The following NOMO1 variants were observed in gnomAD, a reference collection of about 807,000 sequenced individuals.
NOMO1 encodes NODAL modulator 1.
A neutral mutation model predicts 133.8 loss-of-function variants in NOMO1; 40 were observed. That is an observed-to-expected ratio of 0.30 (90% CI 0.23 to 0.39). The LOEUF (loss-of-function observed/expected upper bound fraction) is 0.39, where lower values mean the gene tolerates loss of function less well. Among genes scored for constraint, NOMO1 ranks in the 10% least tolerant of loss-of-function variants. The pLI, the probability that NOMO1 is intolerant of heterozygous loss-of-function variation, is 1.00. For synonymous variants in NOMO1, 236 were observed against 570.5 expected (o/e 0.41, Z 8.36); for missense variants, 462 against 1,419.9 (o/e 0.33, Z 10.84).
chr16:14,847,879 C>T lies in NOMO1; in HGVS notation c.510-1020C>T, dbSNP rs1468306471. 3.3e-5 allele frequency among the ~76,000 whole-genome samples: 5 copies of T among 151,756 alleles called. 1 individual carries two copies. Among genetic ancestry groups the T allele is most frequent in the Non-Finnish European group, 5.9e-5 (4 of 67,984 alleles). ...TCTGCTTGACTGGTGCCTCTCCAGG[C>T]CTGGTGTGTAGCAGGAATATGAAGC... On this transcript the variant is annotated intron_variant, in intron 5 of 30. Transcript: ENST00000287667.
At chr16:14,867,104 G>A (rs1191499011) in intron 15 of NOMO1, among the ~76,000 whole-genome samples, 1 of 104,128 alleles carries the variant, frequency 9.6e-6, no homozygotes, top group Non-Finnish European at 2.0e-5. Flanking sequence ...AGGTATCAAA[G>A]TGTCCTTGGT....
At chr16:14,874,193 G>T (rs1017309626) in intron 18 of NOMO1, among the ~76,000 whole-genome samples, 7 of 151,840 alleles carry the variant, frequency 4.6e-5, no homozygotes, top group Admixed American at 3.9e-4. Context: ...AGGAGCGAAC[G>T]ATTTCTTTTA....
At chr16:14,888,616 C>T (rs1597116869) in intron 28 of NOMO1, 3 of 264,516 alleles carry the variant, frequency 1.1e-5, no homozygotes, top group East Asian at 2.1e-4. Flanking sequence ...GGTCGGTGCT[C>T]AGCACACAGA....
At chr16:14,839,094 G>T (rs1440160801) in intron 2 of NOMO1, among the ~76,000 whole-genome samples, 1 of 149,804 alleles carries the variant, frequency 6.7e-6, no homozygotes, top group Admixed American at 6.7e-5. Context: ...TCGCTCTGTC[G>T]CCCAGGCTGG....
Position 14,850,900 on chromosome 16 carries a change from G to A in NOMO1, c.583-1530G>A, listed in dbSNP as rs1963748900. Among the ~76,000 whole-genome samples the A allele has an allele frequency of 2.6e-5, 4 of 151,502 alleles. No individual in the cohort carries two copies. The South Asian group carries it at 8.4e-4, about 32-fold the overall frequency. ...AGTTTGAGACCAACCTGGCCAACATGGTGAAACCGCATCTCTACTAAAAAT... is the reference window on the plus strand; with the variant it reads ...AGTTTGAGACCAACCTGGCCAACATAGTGAAACCGCATCTCTACTAAAAAT... On this transcript the variant is annotated intron_variant, in intron 6 of 30. Coordinates refer to ENST00000287667, the MANE Select transcript of NOMO1 (RefSeq NM_014287.4).
intron 11 of NOMO1, among the ~76,000 whole-genome samples, chr16:14,861,760 G>A (rs1386214536): frequency 2.6e-5 from 4 of 150,984 alleles, no homozygotes; most frequent in Non-Finnish European, 4.4e-5. Context: ...TGGGCAGAGC[G>A]CAACACAACT....
At chr16:14,879,348 G>A (rs1894376) in intron 23 of NOMO1, among the ~76,000 whole-genome samples, 25,569 of 146,636 alleles carry the variant, frequency 0.17, 1 homozygote, top group Non-Finnish European at 0.19. Context: ...ACCGGGCAGC[G>A]GGGGCATCTG....
At position 14,881,557 on chromosome 16, in the gene NOMO1, G is replaced by A; in HGVS notation, c.2899G>A (p.Val967Met). 3 of 1,609,080 alleles carry A rather than the reference G, an allele frequency of 1.9e-6. No homozygotes were observed. Among genetic ancestry groups the A allele is most frequent in the Non-Finnish European group, 2.5e-6 (3 of 1,178,354 alleles). ...YRTAYSCYGT[V>M]SSLNGEPEQG... ...TTGCCATACTAGTTGCTATGGCACA[G>A]TGTCTTCCTTAAACGGAGAGCCCGA... is the stretch of plus-strand genomic sequence containing the variant. Residue 967 changes from valine to methionine, a missense_variant, in exon 25 of 31, where the codon GTG becomes ATG. Transcript: ENST00000287667.
At chr16:14,886,101 C>G (rs1430425100) in intron 27 of NOMO1, among the ~76,000 whole-genome samples, 1 of 152,074 alleles carries the variant, frequency 6.6e-6, no homozygotes, top group African/African-American at 2.4e-5. Context: ...TAACCCTGCT[C>G]ATGCCCCATG....
At chr16:14,862,142 T>A (rs1963930614) in intron 11 of NOMO1, among the ~76,000 whole-genome samples, 1 of 151,898 alleles carries the variant, frequency 6.6e-6, no homozygotes, top group African/African-American at 2.4e-5. Flanking sequence ...ACATTCTTGA[T>A]TATCTTTATG....
intron 5 of NOMO1, chr16:14,848,678 CA>C: frequency 2.6e-6 from 1 of 391,258 alleles, no homozygotes; most frequent in South Asian, 2.1e-5. Flanking sequence ...TTCCGATCAG[CA>C]CATGGAGCAC....
chr16:14,858,448 C>G lies in NOMO1; in HGVS notation c.1220+793C>G, dbSNP rs189246361. On this transcript the variant is annotated intron_variant, in intron 11 of 30. Transcript: ENST00000287667. Reference sequence around the variant, plus strand: ...TGGGCTTTGGAGTCAGATACCAGATCCACCTGTATGTAACCTGCAGAACAG... The same window carrying G: ...TGGGCTTTGGAGTCAGATACCAGATGCACCTGTATGTAACCTGCAGAACAG... Among the ~76,000 whole-genome samples, 176 of 151,176 alleles carry G rather than the reference C, an allele frequency of 1.2e-3. 2 individuals carry two copies. Among genetic ancestry groups the G allele is most frequent in the African/African-American group, 4.2e-3 (174 of 41,374 alleles).
chr16:14,864,776 G>T, intron 13 of NOMO1, 50 bp downstream of exon 13: 2 of 1,567,504 alleles, frequency 1.3e-6, no homozygotes, highest in East Asian at 5.0e-5. Context: ...GAAGTCAGCC[G>T]GTAGGAGTGG....
At position 14,889,192 on chromosome 16, in the gene NOMO1, A is replaced by T. The variant is rs376397163; in HGVS notation, c.3421A>T (p.Ile1141Phe). Residue 1141 changes from isoleucine (I) to phenylalanine (F), a missense_variant, in exon 29 of 31, where the codon ATC (isoleucine) becomes TTC (phenylalanine). Coordinates refer to ENST00000287667, the MANE Select transcript of NOMO1 (RefSeq NM_014287.4). The part of the protein sequence containing the change: ...SFTAVGYHKH[I>F]TLIFNPTRKL... Reference sequence around the variant, plus strand: ...CACCGCAGTGGGCTACCATAAACACATCACCTTGATTTTTAATCCCACGGT... The same window carrying T: ...CACCGCAGTGGGCTACCATAAACACTTCACCTTGATTTTTAATCCCACGGT... 428 of 1,604,374 alleles carry T rather than the reference A, an allele frequency of 2.7e-4. 1 individual carries two copies. The African/African-American group carries it at 3.5e-3, about 13-fold the overall frequency.
At chr16:14,836,694 C>CTTTTTTTTT (rs954619401) in intron 1 of NOMO1, among the ~76,000 whole-genome samples, 3 of 131,244 alleles carry the variant, frequency 2.3e-5, no homozygotes, top group Non-Finnish European at 3.3e-5. Flanking sequence ...TTCCATTTTA[C>CTTTTTTTTT]TTTTTTTTTT....
At chr16:14,851,358 T>C (rs1597095950) in intron 6 of NOMO1, among the ~76,000 whole-genome samples, 2 of 151,960 alleles carry the variant, frequency 1.3e-5, no homozygotes, top group East Asian at 3.9e-4. Flanking sequence ...ACAAGCCCTG[T>C]GCTGTGTGCT....
chr16:14,837,114 C>T (rs1057266757), intron 1 of NOMO1, among the ~76,000 whole-genome samples: 16 of 152,022 alleles, frequency 1.1e-4, no homozygotes, highest in Admixed American at 2.0e-4. Context: ...GACTCCTGGC[C>T]TCAAGCAGTC....
At chr16:14,850,317 G>A (rs561779832) in intron 6 of NOMO1, among the ~76,000 whole-genome samples, 67 of 151,990 alleles carry the variant, frequency 4.4e-4, no homozygotes, top group Admixed American at 1.5e-3. Flanking sequence ...AATAGCAGAC[G>A]CTGTTCAAAA....
intron 3 of NOMO1, among the ~76,000 whole-genome samples, chr16:14,843,615 G>A (rs1963637332): frequency 6.6e-6 from 1 of 151,876 alleles, no homozygotes; most frequent in Non-Finnish European, 1.5e-5. Flanking sequence ...GAATGTAAAT[G>A]AAAATTCCAC....
Sources: allele counts gnomAD v4.1 joint callset (sites outside exome capture counted in the v4.1 genomes callset), GRCh38; gene constraint gnomAD v4.1.1; transcripts MANE v1.5; gene names NCBI Gene and HGNC (gene_info 2026-07-23, HGNC 2026-07-21).